The following CSMD1 variants were observed in gnomAD, a reference collection of about 807,000 sequenced individuals.
CSMD1 encodes the protein CUB and sushi domain-containing protein 1.
A neutral mutation model predicts 417.5 loss-of-function variants in CSMD1; 213 were observed. The ratio of observed to expected loss-of-function variants is 0.51; its 90% CI spans 0.46 to 0.57. The LOEUF is 0.57. CSMD1 is among the 20% of genes least tolerant of loss of function. The pLI, the probability that CSMD1 is intolerant of heterozygous loss-of-function variation, is 0.00. For missense variants in CSMD1, 6,923 were observed against 4,529.7 expected, an observed-to-expected ratio of 1.53 and a Z score of -15.17; for synonymous variants, 2,862 against 1,736.8, an observed-to-expected ratio of 1.65 and a Z score of -16.11.
intron 3 of CSMD1, among the ~76,000 whole-genome samples, chr8:4,258,272 T>G: frequency 7.9e-6 from 1 of 126,778 alleles, no homozygotes; most frequent in Non-Finnish European, 1.6e-5. Flanking sequence ...CCTGTCGCTG[T>G]GAGCTATTAT....
intron 3 of CSMD1, among the ~76,000 whole-genome samples, chr8:4,100,677 C>A (rs529247073): frequency 6.6e-6 from 1 of 152,182 alleles, no homozygotes; most frequent in African/African-American, 2.4e-5. Flanking sequence ...GCTGAAATTG[C>A]CATTCATACT....
intron 5 of CSMD1, among the ~76,000 whole-genome samples, chr8:3,776,672 T>A (rs13274584): frequency 0.33 from 49,601 of 151,966 alleles, 9,526 homozygotes; most frequent in Middle Eastern, 0.44. Context: ...ACCAAGGCAC[T>A]TGCCATTACC....
At chr8:3,267,860 C>T (rs1362440820) in intron 26 of CSMD1, among the ~76,000 whole-genome samples, 1 of 152,062 alleles carries the variant, frequency 6.6e-6, no homozygotes, top group East Asian at 1.9e-4. Flanking sequence ...AGGACCCTGG[C>T]AGGGCCATAG....
At chr8:3,512,099 C>A (rs1742155556) in intron 10 of CSMD1, among the ~76,000 whole-genome samples, 1 of 152,168 alleles carries the variant, frequency 6.6e-6, no homozygotes, top group African/African-American at 2.4e-5. Flanking sequence ...TTGACCTCCT[C>A]ATATTTCTCA....
intron 8 of CSMD1, among the ~76,000 whole-genome samples, chr8:3,601,914 G>T (rs149046792): frequency 1.3e-5 from 2 of 152,000 alleles, no homozygotes; most frequent in East Asian, 1.9e-4. Context: ...GAGAGAGAGG[G>T]TTATAGCACA....
chr8:4,640,862 TA>T (rs58055126), intron 1 of CSMD1, among the ~76,000 whole-genome samples: 74,771 of 129,470 alleles, frequency 0.58, 20,331 homozygotes, highest in Middle Eastern at 0.67. Flanking sequence ...TAATTATTGC[TA>T]AAAAAAAAAA....
intron 23 of CSMD1, among the ~76,000 whole-genome samples, chr8:3,318,037 G>C (rs931824534): frequency 3.9e-5 from 6 of 152,160 alleles, no homozygotes; most frequent in African/African-American, 1.4e-4. Flanking sequence ...CTGGGTTCAA[G>C]TGATCTGCCC....
chr8:4,531,918 A>C (rs1377804678), intron 2 of CSMD1, among the ~76,000 whole-genome samples: 1 of 150,366 alleles, frequency 6.7e-6, no homozygotes, highest in Non-Finnish European at 1.5e-5. Flanking sequence ...CGGAAAAGAA[A>C]TCCTGCAAGC....
chr8:4,375,137 A>G (rs554144867), intron 3 of CSMD1, among the ~76,000 whole-genome samples: 3 of 152,278 alleles, frequency 2.0e-5, no homozygotes, highest in Non-Finnish European at 4.4e-5. Context: ...GCAACTGTAG[A>G]TAGGTGAAAA....
Position 4,870,564 on chromosome 8 carries a change from C to G in CSMD1, c.85+123768G>C, listed in dbSNP as rs570584594. ...CCTCTTCTCGTGTGTCAGTCTCAGC[C>G]AGGCTTCTCTAGAATCAGAGCAGGA... On this transcript the variant is annotated intron_variant, in intron 1 of 69. Transcript: ENST00000635120. Among the ~76,000 whole-genome samples, 3 of 152,202 alleles carry G rather than the reference C, an allele frequency of 2.0e-5. No homozygotes were observed. The South Asian group carries it at 6.2e-4, about 32-fold the overall frequency.
At chr8:4,542,769 A>T (rs1196179730) in intron 2 of CSMD1, among the ~76,000 whole-genome samples, 2 of 152,248 alleles carry the variant, frequency 1.3e-5, no homozygotes, top group Admixed American at 1.3e-4. Flanking sequence ...AAGTAAACAT[A>T]TGGTAGCCAT....
At chr8:3,989,400 A>C (rs1353508822) in intron 5 of CSMD1, among the ~76,000 whole-genome samples, 1 of 152,310 alleles carries the variant, frequency 6.6e-6, no homozygotes, top group East Asian at 1.9e-4. Flanking sequence ...ACGACAGAGG[A>C]CATTGCCCAA....
intron 49 of CSMD1, among the ~76,000 whole-genome samples, chr8:3,065,667 A>T (rs949730561): frequency 5.9e-5 from 9 of 152,224 alleles, no homozygotes; most frequent in African/African-American, 1.4e-4. Flanking sequence ...TGATTGATCA[A>T]TCGCTAGGTT....
chr8:3,999,053 T>C (rs1299439669), intron 4 of CSMD1, among the ~76,000 whole-genome samples: 1 of 150,240 alleles, frequency 6.7e-6, no homozygotes, highest in African/African-American at 2.4e-5. Flanking sequence ...ATAGCTATGT[T>C]ATATATATAA....
intron 40 of CSMD1, among the ~76,000 whole-genome samples, chr8:3,145,562 T>C (rs1818791934): frequency 2.0e-5 from 3 of 152,144 alleles, no homozygotes; most frequent in South Asian, 4.1e-4. Context: ...TGAGCAAAAT[T>C]ACCATTTTAA....
At chr8:4,854,039 T>A (rs1380101082) in intron 1 of CSMD1, among the ~76,000 whole-genome samples, 1 of 152,152 alleles carries the variant, frequency 6.6e-6, no homozygotes, top group African/African-American at 2.4e-5. Context: ...GCAACTTGGT[T>A]TTTATTTTAC....
intron 9 of CSMD1, among the ~76,000 whole-genome samples, chr8:3,580,304 A>G (rs573377793): frequency 6.6e-5 from 10 of 152,230 alleles, no homozygotes; most frequent in Middle Eastern, 3.4e-3. Context: ...AAAGTGAGGG[A>G]AAAGGCCTGC....
chr8:3,823,244 C>T (rs892054944), intron 5 of CSMD1, among the ~76,000 whole-genome samples: 1 of 152,138 alleles, frequency 6.6e-6, no homozygotes, highest in Admixed American at 6.6e-5. Flanking sequence ...AATAAAATAG[C>T]TGAGAACTTC....
chr8:4,452,297 T>C (rs1053728558), intron 2 of CSMD1, among the ~76,000 whole-genome samples: 3 of 152,222 alleles, frequency 2.0e-5, no homozygotes, highest in Admixed American at 6.5e-5. Context: ...TTAACAACTA[T>C]TTAGGTGAAT....
Sources: allele counts gnomAD v4.1 joint callset (sites outside exome capture counted in the v4.1 genomes callset), GRCh38; gene constraint gnomAD v4.1.1; transcripts MANE v1.5; gene names NCBI Gene and HGNC (gene_info 2026-07-23, HGNC 2026-07-21).